Variants in SUCLG2 observed in about 807,000 individuals in gnomAD.
SUCLG2 encodes the protein succinate-CoA ligase GDP-forming subunit beta.
Under a neutral mutation model 47.9 loss-of-function variants are expected in SUCLG2, and 42 were observed. That is an observed-to-expected ratio of 0.88 (90% CI 0.69 to 1.14). The LOEUF (loss-of-function observed/expected upper bound fraction) is 1.14, where lower values mean the gene tolerates loss of function less well. Among genes scored for constraint, SUCLG2 ranks in the 50% most tolerant of loss-of-function variants. The pLI, the probability that SUCLG2 is intolerant of heterozygous loss-of-function variation, is 0.00. For missense variants in SUCLG2, 571 were observed against 525.9 expected, an observed-to-expected ratio of 1.09 and a Z score of -0.84; for synonymous variants, 195 against 197.3, an observed-to-expected ratio of 0.99 and a Z score of 0.10.
At chr3:67,642,054 CTCTA>C (rs368380057) in intron 1 of SUCLG2, among the ~76,000 whole-genome samples, 1 of 152,178 alleles carries the variant, frequency 6.6e-6, no homozygotes, top group African/African-American at 2.4e-5. Context: ...ACTTGATTTC[CTCTA>C]TCTATCTCTT....
intron 1 of SUCLG2, among the ~76,000 whole-genome samples, chr3:67,641,140 G>T (rs182862187): frequency 3.5e-4 from 53 of 152,180 alleles, no homozygotes; most frequent in African/African-American, 1.2e-3. Context: ...CTCCTATTTG[G>T]GAAATGACAA....
At chr3:67,510,164 T>TA (rs537715502) in intron 6 of SUCLG2, among the ~76,000 whole-genome samples, 323 of 152,290 alleles carry the variant, frequency 2.1e-3, no homozygotes, top group African/African-American at 7.6e-3. Flanking sequence ...TGTCAACTCT[T>TA]AAAGTACTCA....
chr3:67,529,229 T>C, intron 2 of SUCLG2, 43 bp from the exon 3 acceptor site: 2 of 1,519,868 alleles, frequency 1.3e-6, no homozygotes, highest in African/African-American at 1.4e-5. Context: ...TTTTAAATTC[T>C]TTTTTTGTTT....
chr3:67,421,308 T>C (rs1483005669), intron 9 of SUCLG2, among the ~76,000 whole-genome samples: 1 of 152,152 alleles, frequency 6.6e-6, no homozygotes, highest in Non-Finnish European at 1.5e-5. Flanking sequence ...GCTATTACAG[T>C]ATAACATGAC....
At chr3:67,382,616 G>A (rs1702182970) in intron 10 of SUCLG2, among the ~76,000 whole-genome samples, 1 of 152,146 alleles carries the variant, frequency 6.6e-6, no homozygotes, top group Admixed American at 6.5e-5. Flanking sequence ...AAAATCACAG[G>A]AACATTTTAT....
At chr3:67,417,279 C>T (rs189925333) in intron 9 of SUCLG2, among the ~76,000 whole-genome samples, 1 of 152,162 alleles carries the variant, frequency 6.6e-6, no homozygotes, top group Non-Finnish European at 1.5e-5. Flanking sequence ...TCTGGAGTAC[C>T]TAGAAAGTAC....
At chr3:67,396,781 C>T (rs1427734681) in intron 10 of SUCLG2, among the ~76,000 whole-genome samples, 3 of 152,190 alleles carry the variant, frequency 2.0e-5, no homozygotes, top group Non-Finnish European at 2.9e-5. Context: ...CAATAAAATA[C>T]TGGCAAACCG....
intron 9 of SUCLG2, among the ~76,000 whole-genome samples, chr3:67,456,093 T>C (rs1212648057): frequency 6.6e-6 from 1 of 152,134 alleles, no homozygotes; most frequent in East Asian, 1.9e-4. Context: ...CTCAACAGAA[T>C]GTCAATTTTA....
At chr3:67,442,632 C>G (rs1232558902) in intron 9 of SUCLG2, among the ~76,000 whole-genome samples, 1 of 152,104 alleles carries the variant, frequency 6.6e-6, no homozygotes, top group African/African-American at 2.4e-5. Flanking sequence ...GGCCTTCAGC[C>G]TAATCAAAAT....
At position 67,609,486 on chromosome 3, in the gene SUCLG2, T is replaced by C; in HGVS notation, c.195A>G (p.Ala65=). The C allele has an allele frequency of 6.2e-7, 1 of 1,613,286 alleles. No homozygotes were observed. Among genetic ancestry groups the C allele is most frequent in the East Asian group, 2.2e-5 (1 of 44,876 alleles). ...TCTTAGCAGCCTCGAGAGCTTCATTTGCAGTGTCTGCTACAAAGAATCTTT... is the reference window on the plus strand; with the variant it reads ...TCTTAGCAGCCTCGAGAGCTTCATTCGCAGTGTCTGCTACAAAGAATCTTT... ...RVQRFFVADT[A]NEALEAAKRL... Residue 65 remains alanine (A), a synonymous_variant, in exon 2 of 11, where the codon GCA becomes GCG. Transcript: ENST00000307227.
At chr3:67,525,459 A>C (rs555623515) in intron 4 of SUCLG2, among the ~76,000 whole-genome samples, 1 of 152,192 alleles carries the variant, frequency 6.6e-6, no homozygotes, top group South Asian at 2.1e-4. Flanking sequence ...GAGAACCCCA[A>C]AACAGACCCA....
At chr3:67,424,700 C>T (rs146588255) in intron 9 of SUCLG2, among the ~76,000 whole-genome samples, 29 of 152,138 alleles carry the variant, frequency 1.9e-4, no homozygotes, top group Non-Finnish European at 3.1e-4. Context: ...AATTGCTGGC[C>T]GTTACTAAAA....
intron 9 of SUCLG2, among the ~76,000 whole-genome samples, chr3:67,416,263 A>G (rs1703037059): frequency 6.6e-6 from 1 of 152,234 alleles, no homozygotes; most frequent in South Asian, 2.1e-4. Flanking sequence ...AGCTCTTTCA[A>G]TAAAATATTT....
At chr3:67,597,940 A>AAAAC (rs745959411) in intron 2 of SUCLG2, among the ~76,000 whole-genome samples, 8 of 152,042 alleles carry the variant, frequency 5.3e-5, no homozygotes, top group Non-Finnish European at 8.8e-5. Context: ...TCCATCTCAA[A>AAAAC]AAACAAACAA....
intron 9 of SUCLG2, among the ~76,000 whole-genome samples, chr3:67,403,911 G>A (rs994380555): frequency 2.6e-5 from 4 of 152,022 alleles, no homozygotes; most frequent in Non-Finnish European, 5.9e-5. Flanking sequence ...TTTGAGACAC[G>A]TTTTGACTGT....
At chr3:67,497,597 C>T (rs1011650661) in intron 8 of SUCLG2, among the ~76,000 whole-genome samples, 5 of 152,120 alleles carry the variant, frequency 3.3e-5, no homozygotes, top group Admixed American at 6.5e-5. Flanking sequence ...AGTGTATGTC[C>T]TCTTCTATTT....
chr3:67,608,531 T>C (rs185107351), intron 2 of SUCLG2, among the ~76,000 whole-genome samples: 129 of 152,326 alleles, frequency 8.5e-4, no homozygotes, highest in African/African-American at 2.6e-3. Context: ...GCACACATTA[T>C]TGAACGATGC....
At chr3:67,580,185 TC>T (rs1218433034) in intron 2 of SUCLG2, among the ~76,000 whole-genome samples, 3 of 151,340 alleles carry the variant, frequency 2.0e-5, no homozygotes, top group African/African-American at 7.3e-5. Flanking sequence ...AAATCCCTCC[TC>T]TTTTTTTTCT....
intron 9 of SUCLG2, among the ~76,000 whole-genome samples, chr3:67,456,011 T>C (rs1273436613): frequency 1.3e-5 from 2 of 152,236 alleles, no homozygotes; most frequent in Non-Finnish European, 2.9e-5. Flanking sequence ...TTCACTCCCA[T>C]GATATTGATC....
Sources: allele counts gnomAD v4.1 joint callset (sites outside exome capture counted in the v4.1 genomes callset), GRCh38; gene constraint gnomAD v4.1.1; transcripts MANE v1.5; gene names NCBI Gene and HGNC (gene_info 2026-07-23, HGNC 2026-07-21).